The following EML4 variants were observed in gnomAD, a reference collection of about 807,000 sequenced individuals.
EML4 encodes echinoderm microtubule-associated protein-like 4.
Under a neutral mutation model 129.0 loss-of-function variants are expected in EML4, and 72 were observed. The observed-to-expected ratio is 0.56, with a 90% CI of 0.46 to 0.68. EML4 has a LOEUF of 0.68. Among genes scored for constraint, EML4 ranks in the 30% least tolerant of loss-of-function variants. The pLI is 0.00. For synonymous variants in EML4, 532 were observed against 405.0 expected (o/e 1.31, Z -3.77); for missense variants, 1,363 against 1,190.6 (o/e 1.14, Z -2.13).
intron 1 of EML4, among the ~76,000 whole-genome samples, chr2:42,235,784 A>C (rs1180519724): frequency 1.1e-4 from 17 of 152,150 alleles, no homozygotes; most frequent in Admixed American, 1.1e-3. Flanking sequence ...CAAAACTGTC[A>C]TAAAGACCAT....
chr2:42,176,415 G>T (rs1670607497), intron 1 of EML4, among the ~76,000 whole-genome samples: 1 of 152,144 alleles, frequency 6.6e-6, no homozygotes, highest in Non-Finnish European at 1.5e-5. Context: ...CACCCTCTCA[G>T]ATTGCTTCAT....
At chr2:42,233,873 A>G (rs552039171) in intron 1 of EML4, among the ~76,000 whole-genome samples, 2 of 152,344 alleles carry the variant, frequency 1.3e-5, no homozygotes, top group South Asian at 2.1e-4. Flanking sequence ...TTGTATACAC[A>G]TTGTTTATTT....
chr2:42,241,067 C>G (rs1489133238), intron 1 of EML4, among the ~76,000 whole-genome samples: 1 of 151,982 alleles, frequency 6.6e-6, no homozygotes, highest in Non-Finnish European at 1.5e-5. Context: ...GAATCTGAGG[C>G]AGGAGAATCT....
Position 42,183,376 on chromosome 2 carries a change from G to A in EML4, c.25+13740G>A, listed in dbSNP as rs558531305. Among the ~76,000 whole-genome samples, 16 of 152,258 alleles carry A rather than the reference G, an allele frequency of 1.1e-4. No individual in the cohort carries two copies. The South Asian group carries it at 3.3e-3, about 32-fold the overall frequency. ...AGTGGCTTCTGTGTAAACAATTGAT[G>A]TGTACATTGTCGGTTTTAAGCACAT... On this transcript the variant is annotated intron_variant, in intron 1 of 22. Transcript: ENST00000318522.
chr2:42,315,886 A>C lies in EML4; in HGVS notation c.1968-76A>C, dbSNP rs1422761249. On this transcript the variant is annotated intron_variant, in intron 17 of 22. Transcript: ENST00000318522. The stretch of plus-strand genomic sequence containing the variant: ...ACAAAGCAAGACTCCATCTCAAAAA[A>C]AAAAGAAAAAGAACAACTTTTTTTT... 4.4e-6 allele frequency: 5 copies of C among 1,128,046 alleles called. No homozygotes were observed. The East Asian group carries it at 1.2e-4, about 27-fold the overall frequency. The allele number at this position is 1,128,046 out of a possible 1,614,324, so 69.9% of individuals were successfully genotyped here. A position where few individuals can be genotyped will look rare whatever the true frequency, so the allele number is the denominator to read the frequency against.
intron 1 of EML4, among the ~76,000 whole-genome samples, chr2:42,200,843 G>A (rs1409170355): frequency 2.0e-5 from 3 of 152,078 alleles, no homozygotes; most frequent in African/African-American, 7.2e-5. Flanking sequence ...AATTTCCAGC[G>A]CTTTGCAGGG....
chr2:42,193,246 T>C (rs1041996479), intron 1 of EML4, among the ~76,000 whole-genome samples: 3 of 152,228 alleles, frequency 2.0e-5, no homozygotes, highest in African/African-American at 7.2e-5. Flanking sequence ...CCTAGGTCTG[T>C]AGTAGGCTAT....
At chr2:42,224,365 C>G (rs765744544) in intron 1 of EML4, among the ~76,000 whole-genome samples, 1 of 152,126 alleles carries the variant, frequency 6.6e-6, no homozygotes, top group Non-Finnish European at 1.5e-5. Flanking sequence ...ATCCATGTTG[C>G]AGCATGTATC....
At chr2:42,261,535 A>G in intron 4 of EML4, 1 of 328,830 alleles carries the variant, frequency 3.0e-6, no homozygotes. Flanking sequence ...AAACAATCTG[A>G]TGAAAAGAAG....
At chr2:42,248,044 C>T (rs1558538208) in intron 2 of EML4, among the ~76,000 whole-genome samples, 1 of 152,072 alleles carries the variant, frequency 6.6e-6, no homozygotes, top group Non-Finnish European at 1.5e-5. Context: ...GTCACCCAGG[C>T]TCACTGTAAC....
intron 6 of EML4, 106 bp downstream of exon 6, chr2:42,264,837 T>G: frequency 6.9e-7 from 1 of 1,441,782 alleles, no homozygotes; most frequent in South Asian, 1.2e-5. Flanking sequence ...TTCATAGTAA[T>G]CAAAGAAAAG....
chr2:42,329,021 A>G lies in EML4; in HGVS notation c.2472+5A>G. ...TATCCCTGCTCCAAAGCAAAGGTAA[A>G]CTCACTTTAATAGAAACTAATGTTA... On this transcript the variant is annotated splice_donor_5th_base_variant and intron_variant, in intron 22 of 22. Transcript: ENST00000318522. 6.2e-7 allele frequency: 1 copy of G among 1,609,206 alleles called. No individual in the cohort carries two copies. The highest frequency in any genetic ancestry group is 8.5e-7 in the Non-Finnish European group (1 of 1,178,490).
chr2:42,262,626 TTATAAG>T (rs1435273112), intron 4 of EML4, among the ~76,000 whole-genome samples: 4 of 152,230 alleles, frequency 2.6e-5, no homozygotes, highest in Non-Finnish European at 2.9e-5. Context: ...CAAATTTCAC[TTATAAG>T]TATAGGGAAT....
chr2:42,310,254 A>G (rs1001788769), intron 17 of EML4, among the ~76,000 whole-genome samples: 5 of 152,000 alleles, frequency 3.3e-5, no homozygotes, highest in Admixed American at 3.3e-4. Flanking sequence ...GTAAGGCCTA[A>G]TGGATCTTTC....
At position 42,169,442 on chromosome 2, in the gene EML4, C is replaced by A. The variant is rs1228142033; in HGVS notation, c.-170C>A. On this transcript the variant is annotated 5_prime_UTR_variant, in exon 1 of 23. Transcript: ENST00000318522. ...CGTGACGGGGAAGTGGTTCGGGCGG[C>A]CGCGGCTTACTACCCCAGGGCGAAC... The A allele has an allele frequency of 4.8e-6, 3 of 619,964 alleles. No individual in the cohort carries two copies. The highest frequency in any genetic ancestry group is 5.2e-6 in the Non-Finnish European group (2 of 387,134). 38.4% of individuals were successfully genotyped at this position (619,964 alleles called of 1,614,324 possible). A position where few individuals can be genotyped will look rare whatever the true frequency, so the allele number is the denominator to read the frequency against.
chr2:42,275,369 G>A (rs751852787), intron 6 of EML4, among the ~76,000 whole-genome samples: 7 of 152,140 alleles, frequency 4.6e-5, no homozygotes, highest in Non-Finnish European at 5.9e-5. Flanking sequence ...AGACAGAGCA[G>A]GTCTAGATCA....
intron 1 of EML4, among the ~76,000 whole-genome samples, chr2:42,181,515 G>A (rs1558479148): frequency 1.3e-5 from 2 of 152,072 alleles, no homozygotes; most frequent in South Asian, 4.1e-4. Flanking sequence ...GGCCTGGCTG[G>A]TCTCAAACTC....
chr2:42,245,711 A>AT, intron 2 of EML4, 24 bp downstream of exon 2: 2 of 1,550,592 alleles, frequency 1.3e-6, no homozygotes, highest in Non-Finnish European at 1.7e-6. Context: ...AAAGTTAAAA[A>AT]GAGTCTTGCT....
At chr2:42,296,939 C>T (rs889193514) in intron 13 of EML4, among the ~76,000 whole-genome samples, 5 of 152,142 alleles carry the variant, frequency 3.3e-5, no homozygotes, top group Non-Finnish European at 4.4e-5. Flanking sequence ...ACTATCTGTA[C>T]GAAATTAATG....
Sources: allele counts gnomAD v4.1 joint callset (sites outside exome capture counted in the v4.1 genomes callset), GRCh38; gene constraint gnomAD v4.1.1; transcripts MANE v1.5; gene names NCBI Gene and HGNC (gene_info 2026-07-23, HGNC 2026-07-21).